RTTN: variants seen among roughly 807,000 people sequenced by gnomAD.
RTTN encodes the protein rotatin.
Under a neutral mutation model 269.2 loss-of-function variants are expected in RTTN, and 182 were observed. The observed-to-expected ratio is 0.68, with a 90% CI of 0.60 to 0.76. The LOEUF (loss-of-function observed/expected upper bound fraction) is 0.76, where lower values mean the gene tolerates loss of function less well. Among genes scored for constraint, RTTN ranks in the 30% least tolerant of loss-of-function variants. The probability of loss-of-function intolerance (pLI) is 0.00; values close to 1 mark genes in which losing one functional copy is unlikely to be tolerated. For synonymous variants in RTTN, 1,006 were observed against 963.5 expected (o/e 1.04, Z -0.82); for missense variants, 2,545 against 2,608.6 (o/e 0.98, Z 0.53).
chr18:70,046,855 C>G (rs901675386), intron 40 of RTTN, among the ~76,000 whole-genome samples: 1 of 152,194 alleles, frequency 6.6e-6, no homozygotes, highest in African/African-American at 2.4e-5. Context: ...TTTTGTAGCA[C>G]AAGGGAGACA....
intron 9 of RTTN, among the ~76,000 whole-genome samples, chr18:70,188,854 G>C (rs568028266): frequency 1.2e-5 from 1 of 80,734 alleles, no homozygotes; most frequent in African/African-American, 2.6e-5. Flanking sequence ...ACATTCACAC[G>C]AGACTTTCCC....
chr18:70,172,871 A>T lies in RTTN; in HGVS notation c.1476+3804T>A, dbSNP rs532473470. 5.9e-5 allele frequency among the ~76,000 whole-genome samples: 9 copies of T among 152,334 alleles called. No individual in the cohort carries two copies. The South Asian group carries it at 1.2e-3, about 21-fold the overall frequency. ...AATACTTCGACCCATAGATAGATTGACCATTTGCAATACTTAATAGCAAGC... is the reference window on the plus strand; with the variant it reads ...AATACTTCGACCCATAGATAGATTGTCCATTTGCAATACTTAATAGCAAGC... On this transcript the variant is annotated intron_variant, in intron 11 of 48. Coordinates refer to ENST00000640769, the MANE Select transcript of RTTN (RefSeq NM_173630.4).
In RTTN at chr18:70,134,531, G is replaced by A. The variant is rs758503774; in HGVS notation, c.2896C>T (p.Pro966Ser). ...VSRMDMWSVN[P>S]SNKPSLPSVF... is the part of the protein sequence containing the mutation. ...GATGGCAAAGAAGGTTTATTGGAAG[G>A]ATTAACAGACCTATTTCATAAAAGA... The change falls in exon 23 of 49, where the codon CCT becomes TCT. Residue 966 changes from proline (P) to serine (S), a missense_variant. Transcript: ENST00000640769. 3.7e-6 allele frequency: 6 copies of A among 1,606,938 alleles called. No homozygotes were observed. The African/African-American group carries it at 6.7e-5, about 18-fold the overall frequency.
intron 35 of RTTN, among the ~76,000 whole-genome samples, chr18:70,064,362 G>A (rs529457162): frequency 4.3e-5 from 6 of 140,760 alleles, no homozygotes; most frequent in East Asian, 4.1e-4. Context: ...AAAAAAAAGC[G>A]TTAATACTTG....
At chr18:70,048,694 A>G (rs2057563951) in intron 39 of RTTN, among the ~76,000 whole-genome samples, 1 of 152,214 alleles carries the variant, frequency 6.6e-6, no homozygotes, top group African/African-American at 2.4e-5. Flanking sequence ...AAAGTTACAT[A>G]AGAAAAATAA....
chr18:70,086,033 G>A (rs538077633), intron 32 of RTTN, among the ~76,000 whole-genome samples: 1 of 152,008 alleles, frequency 6.6e-6, no homozygotes, highest in Non-Finnish European at 1.5e-5. Context: ...GTGATATTCA[G>A]AACATGAAAA....
intron 44 of RTTN, 136 bp from the exon 45 acceptor site, chr18:70,020,953 C>G: frequency 1.5e-6 from 1 of 657,956 alleles, no homozygotes; most frequent in Non-Finnish European, 2.6e-6. Context: ...GCAATGGAGG[C>G]TAATGTTGGT....
intron 37 of RTTN, among the ~76,000 whole-genome samples, chr18:70,055,396 T>C (rs1307931927): frequency 6.6e-6 from 1 of 152,082 alleles, no homozygotes; most frequent in Non-Finnish European, 1.5e-5. Context: ...CGAGAGCCTG[T>C]TGTAAATTTG....
At chr18:70,102,920 C>T (rs530645314) in intron 28 of RTTN, among the ~76,000 whole-genome samples, 54 of 151,798 alleles carry the variant, frequency 3.6e-4, no homozygotes, top group Admixed American at 7.2e-4. Flanking sequence ...AAGTGAGGAG[C>T]GCCTCTGCCC....
chr18:70,025,374 GTCTT>G (rs776219870), intron 43 of RTTN, among the ~76,000 whole-genome samples: 44 of 152,280 alleles, frequency 2.9e-4, no homozygotes, highest in Middle Eastern at 6.8e-3. Context: ...GTAACTCAGA[GTCTT>G]TATTACAAAG....
chr18:70,183,339 C>G (rs2061461257), intron 10 of RTTN, among the ~76,000 whole-genome samples: 1 of 152,116 alleles, frequency 6.6e-6, no homozygotes, highest in East Asian at 1.9e-4. Context: ...TCCACCCAGA[C>G]CATGCTGAGA....
Position 70,150,599 on chromosome 18 carries a change from A to G in RTTN, c.2055+9T>C, listed in dbSNP as rs1170447778. 1.2e-6 allele frequency: 2 copies of G among 1,611,098 alleles called. No homozygotes were observed. The highest frequency in any genetic ancestry group is 1.7e-6 in the Non-Finnish European group (2 of 1,177,724). On this transcript the variant is annotated intron_variant, in intron 15 of 48. Coordinates refer to ENST00000640769, the MANE Select transcript of RTTN (RefSeq NM_173630.4). The stretch of plus-strand genomic sequence containing the variant: ...ACTGTAATATTTTCACTCATGTTTA[A>G]TGTCATACCTCACTTTCGGGCTCTT...
chr18:70,125,342 TATA>T (rs1474563094), intron 25 of RTTN, among the ~76,000 whole-genome samples: 2 of 151,998 alleles, frequency 1.3e-5, no homozygotes, highest in Admixed American at 1.3e-4. Context: ...AACTTCAAAA[TATA>T]ATAAGACTTC....
At chr18:70,043,446 G>GA (rs1448827644) in intron 40 of RTTN, among the ~76,000 whole-genome samples, 2 of 151,284 alleles carry the variant, frequency 1.3e-5, no homozygotes, top group Non-Finnish European at 2.9e-5. Flanking sequence ...GGTGAGGCAT[G>GA]AAAAAAAAGC....
intron 13 of RTTN, chr18:70,166,699 T>C (rs1361941758): frequency 1.0e-5 from 4 of 399,748 alleles, no homozygotes; most frequent in Admixed American, 4.3e-5. Flanking sequence ...TTCATTTTGA[T>C]TGTAGGCATG....
chr18:70,168,007 GT>G (rs1370442482), intron 12 of RTTN, among the ~76,000 whole-genome samples: 2 of 151,710 alleles, frequency 1.3e-5, no homozygotes, highest in African/African-American at 4.8e-5. Context: ...TATTAGCCAG[GT>G]GTGGTAGCAT....
Position 70,199,504 on chromosome 18 carries a change from A to G in RTTN, c.488T>C (p.Val163Ala). 1 of 1,602,202 alleles carries G rather than the reference A, an allele frequency of 6.2e-7. No homozygotes were observed. Among genetic ancestry groups the G allele is most frequent in the East Asian group, 2.2e-5 (1 of 44,720 alleles). ...QQMEVPPRPV[V>A]NQTVKCLKFS... The stretch of plus-strand genomic sequence containing the variant: ...CTTCAAGCACTTCACAGTCTGATTT[A>G]CTGTCAGTGAAAGAGCAAATCTTAT... The change falls in exon 5 of 49, where the codon GTA (valine) becomes GCA (alanine). Residue 163 changes from valine to alanine, a missense_variant and splice_region_variant. Transcript: ENST00000640769.
intron 34 of RTTN, among the ~76,000 whole-genome samples, chr18:70,070,419 T>C (rs1237365394): frequency 1.3e-5 from 2 of 152,236 alleles, no homozygotes; most frequent in Non-Finnish European, 2.9e-5. Context: ...GGTATTTGTA[T>C]GTCCTATCAG....
At chr18:70,022,597 TTCA>T (rs2056737807) in intron 44 of RTTN, among the ~76,000 whole-genome samples, 6 of 152,198 alleles carry the variant, frequency 3.9e-5, no homozygotes, top group Admixed American at 3.9e-4. Flanking sequence ...CCTCTACTTC[TTCA>T]TCTTCTCTCC....
Sources: allele counts gnomAD v4.1 joint callset (sites outside exome capture counted in the v4.1 genomes callset), GRCh38; gene constraint gnomAD v4.1.1; transcripts MANE v1.5; gene names NCBI Gene and HGNC (gene_info 2026-07-23, HGNC 2026-07-21).